KCNJ5: variants seen among roughly 807,000 people sequenced by gnomAD.
KCNJ5 encodes potassium inwardly rectifying channel subfamily J member 5.
A neutral mutation model predicts 20.2 loss-of-function variants in KCNJ5; 12 were observed. That is an observed-to-expected ratio of 0.59 (90% CI 0.38 to 0.96). The LOEUF (loss-of-function observed/expected upper bound fraction) is 0.96, where lower values mean the gene tolerates loss of function less well. Ranked by LOEUF, KCNJ5 falls within the 40% of genes least tolerant of loss-of-function variation. The pLI is 0.00. For missense variants in KCNJ5, 449 were observed against 557.6 expected (o/e 0.81, Z 1.96); for synonymous variants, 210 against 213.9 (o/e 0.98, Z 0.16).
At chr11:128,894,336 C>T (rs1446774568) in intron 1 of KCNJ5, among the ~76,000 whole-genome samples, 1 of 152,114 alleles carries the variant, frequency 6.6e-6, no homozygotes, top group Non-Finnish European at 1.5e-5. Flanking sequence ...ATTTTCTGAG[C>T]CAATACTGAT....
Position 128,911,508 on chromosome 11 carries a change from A to G in KCNJ5, c.235A>G (p.Thr79Ala), listed in dbSNP as rs751212861. 3 of 1,614,240 alleles carry G rather than the reference A, an allele frequency of 1.9e-6. No homozygotes were observed. The highest frequency in any genetic ancestry group is 2.5e-6 in the Non-Finnish European group (3 of 1,180,056). Residue 79 changes from threonine (T) to alanine (A), a missense_variant, in exon 2 of 3, where the codon ACC becomes GCC. Thr to Ala is a moderately conservative substitution (Grantham distance 58). This residue lies in a region of KCNJ5 where 203 missense variants were observed against 258.0 expected (regional missense o/e 0.79). Coordinates refer to ENST00000529694, the MANE Select transcript of KCNJ5 (RefSeq NM_000890.5). This position sits in a 1 kb window ranked among gnomAD's most constrained non-coding sequence, Gnocchi z 6.3. The stretch of plus-strand genomic sequence containing the variant: ...CTACCGGTACCTGAGTGACCTCTTC[A>G]CCACCCTGGTGGACCTCAAGTGGCG... The part of the protein sequence containing the change: ...ETYRYLSDLF[T>A]TLVDLKWRFN...
Position 128,911,166 on chromosome 11 carries a change from G to C in KCNJ5, c.-10-98G>C, listed in dbSNP as rs1944490664. 6 of 933,238 alleles carry C rather than the reference G, an allele frequency of 6.4e-6. No individual in the cohort carries two copies. Among genetic ancestry groups the C allele is most frequent in the African/African-American group, 1.6e-5 (1 of 61,232 alleles). 57.8% of individuals were successfully genotyped at this position (933,238 alleles called of 1,614,324 possible). On this transcript the variant is annotated intron_variant, in intron 1 of 2. Coordinates refer to ENST00000529694, the MANE Select transcript of KCNJ5 (RefSeq NM_000890.5). This position sits in a 1 kb window ranked among gnomAD's most constrained non-coding sequence, Gnocchi z 6.3. The stretch of plus-strand genomic sequence containing the variant: ...GCCCTGACCCCTGGATAACAGAAGA[G>C]AAGCCTGGGAGAGCCCCGGGGTGGG...
rs147231878 is a variant in KCNJ5 at position 128,911,282 on chromosome 11, C to T, written c.9C>T (p.Gly3=). The change falls in exon 2 of 3, where the codon GGC becomes GGT. Residue 3 remains glycine, a synonymous_variant. Transcript: ENST00000529694. The surrounding 1 kb of genome is among the most constrained non-coding windows in gnomAD (Gnocchi z 6.3). ...CTCAAAGCATCCCAGCTATGGCTGG[C>T]GATTCTAGGAATGCCATGAACCAGG... MA[G]DSRNAMNQDM... 11 of 1,613,744 alleles carry T rather than the reference C, an allele frequency of 6.8e-6. No homozygotes were observed. Among genetic ancestry groups the T allele is most frequent in the South Asian group, 1.1e-5 (1 of 91,070 alleles).
intron 1 of KCNJ5, chr11:128,900,594 C>T (rs1009743788): frequency 1.1e-4 from 16 of 152,266 alleles, no homozygotes; most frequent in African/African-American, 3.6e-4. Flanking sequence ...CAGCCACCCC[C>T]CTTTGTTGTG....
chr11:128,911,226 A>G lies in KCNJ5; in HGVS notation c.-10-38A>G. 1 of 1,537,448 alleles carries G rather than the reference A, an allele frequency of 6.5e-7. No homozygotes were observed. Among genetic ancestry groups the G allele is most frequent in the Non-Finnish European group, 9.0e-7 (1 of 1,111,404 alleles). On this transcript the variant is annotated intron_variant, in intron 1 of 2. Coordinates refer to ENST00000529694, the MANE Select transcript of KCNJ5 (RefSeq NM_000890.5). This position sits in a 1 kb window ranked among gnomAD's most constrained non-coding sequence, Gnocchi z 6.3. ...CCATCTTGTGTTCTAGTGAATCAGA[A>G]CAGCCCACTTCACTGATGGTGTCTT...
intron 1 of KCNJ5, chr11:128,906,044 C>T (rs1285770665): frequency 1.3e-5 from 2 of 152,066 alleles, no homozygotes; most frequent in Admixed American, 1.3e-4. Flanking sequence ...ACTCCTGCCC[C>T]TCACCCCCAC....
chr11:128,903,255 C>A, intron 1 of KCNJ5: 1 of 1,258,568 alleles, frequency 7.9e-7, no homozygotes, highest in African/African-American at 1.5e-5. Flanking sequence ...AAATGAAGCT[C>A]TAAGACATCC....
In KCNJ5 at chr11:128,910,673, A is replaced by G. The variant is rs115734543; in HGVS notation, c.-10-591A>G. ...TTATTTATCCATCCAATTACTCAGT[A>G]AGTACTTTTTGAATACATCCATGTG... On this transcript the variant is annotated intron_variant, in intron 1 of 2. Coordinates refer to ENST00000529694, the MANE Select transcript of KCNJ5 (RefSeq NM_000890.5). Among the ~76,000 whole-genome samples, 938 of 152,292 alleles carry G rather than the reference A, an allele frequency of 6.2e-3. 12 individuals are homozygous for G. Among genetic ancestry groups the G allele is most frequent in the African/African-American group, 0.022 (898 of 41,558 alleles).
rs35006982 is a variant in KCNJ5 at position 128,918,054 on chromosome 11, CA to C, written c.*1337del. On this transcript the variant is annotated 3_prime_UTR_variant, in exon 3 of 3. Transcript: ENST00000529694. ...TGGGCGACAGAGCGAGACTCCATCT[CA>C]AAAAAAAAAAAAACATCAGCATCTG... 37 of 97,462 alleles carry C rather than the reference CA, an allele frequency of 3.8e-4. No individual in the cohort carries two copies. Among genetic ancestry groups the C allele is most frequent in the East Asian group, 1.0e-3 (3 of 2,970 alleles). The allele number at this position is 97,462 out of a possible 1,614,324, so 6.0% of individuals were successfully genotyped here. A position where few individuals can be genotyped will look rare whatever the true frequency, so the allele number is the denominator to read the frequency against.
At chr11:128,912,831 A>G (rs1944524138) in intron 2 of KCNJ5, among the ~76,000 whole-genome samples, 1 of 152,198 alleles carries the variant, frequency 6.6e-6, no homozygotes, top group Non-Finnish European at 1.5e-5. Flanking sequence ...ATTAAGGTAC[A>G]GATAAAGACA....
chr11:128,903,550 T>C, intron 1 of KCNJ5: 1 of 1,608,154 alleles, frequency 6.2e-7, no homozygotes, highest in East Asian at 2.2e-5. Flanking sequence ...GTGTTAAGAA[T>C]GAAATCAGTG....
rs1186694562 is a variant in KCNJ5, at chr11:128,904,147, A to C, written c.-10-7117A>C. 3.9e-5 allele frequency among the ~76,000 whole-genome samples: 6 copies of C among 152,360 alleles called. No individual in the cohort carries two copies. The East Asian group carries it at 1.2e-3, about 29-fold the overall frequency. ...ACAATGCATGAAAAACACTCAGCAC[A>C]AAGATGGCACAGAACAGGGATTCCA... On this transcript the variant is annotated intron_variant, in intron 1 of 2. Coordinates refer to ENST00000529694, the MANE Select transcript of KCNJ5 (RefSeq NM_000890.5).
intron 1 of KCNJ5, among the ~76,000 whole-genome samples, chr11:128,892,229 C>A (rs545392870): frequency 6.6e-6 from 1 of 152,214 alleles, no homozygotes; most frequent in South Asian, 2.1e-4. Flanking sequence ...TCACTTCCTG[C>A]GTACCTCCCT....
intron 1 of KCNJ5, chr11:128,902,794 C>CA: frequency 6.9e-7 from 1 of 1,441,888 alleles, no homozygotes; most frequent in Admixed American, 2.1e-5. Context: ...GCCTAACTCA[C>CA]AACGCAGCCC....
intron 2 of KCNJ5, among the ~76,000 whole-genome samples, chr11:128,913,630 A>G (rs1241884386): frequency 6.7e-6 from 1 of 148,536 alleles, no homozygotes. Context: ...GGCCCTAAGG[A>G]TGGGTTCTAG....
Position 128,911,243 on chromosome 11 carries a change from T to G in KCNJ5, c.-10-21T>G. 6.3e-7 allele frequency: 1 copy of G among 1,589,364 alleles called. No homozygotes were observed. Among genetic ancestry groups the G allele is most frequent in the Non-Finnish European group, 8.6e-7 (1 of 1,158,082 alleles). ...GAATCAGAACAGCCCACTTCACTGA[T>G]GGTGTCTTTTTAACTCAAAGCATCC... On this transcript the variant is annotated intron_variant, in intron 1 of 2. Coordinates refer to ENST00000529694, the MANE Select transcript of KCNJ5 (RefSeq NM_000890.5). The surrounding 1 kb of genome is among the most constrained non-coding windows in gnomAD (Gnocchi z 6.3).
rs1212052959 is a variant in KCNJ5, at chr11:128,917,595, T to G, written c.*864T>G. On this transcript the variant is annotated 3_prime_UTR_variant, in exon 3 of 3. Transcript: ENST00000529694. Reference sequence around the variant, plus strand: ...TAATCATCACAGTAGTTTTTGTGTTTTGTTTTGTTTTGTTTTGTTTTGTTT... The same window carrying G: ...TAATCATCACAGTAGTTTTTGTGTTGTGTTTTGTTTTGTTTTGTTTTGTTT... 2.5e-4 allele frequency: 2 copies of G among 7,858 alleles called. No individual in the cohort carries two copies. The highest frequency in any genetic ancestry group is 4.6e-4 in the African/African-American group (1 of 2,184). 0.5% of individuals were successfully genotyped at this position (7,858 alleles called of 1,614,324 possible). A position where few individuals can be genotyped will look rare whatever the true frequency, so the allele number is the denominator to read the frequency against.
chr11:128,895,229 C>T (rs1229070530), intron 1 of KCNJ5, among the ~76,000 whole-genome samples: 2 of 152,120 alleles, frequency 1.3e-5, no homozygotes, highest in Admixed American at 1.3e-4. Context: ...TTCAGGCACC[C>T]GACTTTACAG....
rs1332641522 is a variant in KCNJ5, at chr11:128,903,285, G to A, written c.-10-7979G>A. ...ACATCCCATTTAAATAAAAATAGGA[G>A]AAAGCCTACTAATTGCACGTGACCA... is the stretch of plus-strand genomic sequence containing the variant. On this transcript the variant is annotated intron_variant, in intron 1 of 2. Coordinates refer to ENST00000529694, the MANE Select transcript of KCNJ5 (RefSeq NM_000890.5). 2.0e-6 allele frequency: 3 copies of A among 1,488,886 alleles called. No individual in the cohort carries two copies. The East Asian group carries it at 7.1e-5, about 35-fold the overall frequency. 92.2% of individuals were successfully genotyped at this position (1,488,886 alleles called of 1,614,324 possible).
Sources: gnomAD v4.1 joint callset for allele counts (sites outside exome capture counted in the v4.1 genomes callset) on GRCh38, gnomAD v4.1.1 for gene constraint, gnomAD v4.1.1 regional missense constraint, Gnocchi (gnomAD v3.1) non-coding constraint, MANE v1.5 for transcripts, NCBI Gene and HGNC (gene_info 2026-07-23, HGNC 2026-07-21) for gene names.